Variants in RADIL observed in about 807,000 individuals in gnomAD.
RADIL encodes ras-associating and dilute domain-containing protein.
In RADIL, 99 loss-of-function variants were observed where a neutral mutation model predicts 97.6. The ratio of observed to expected loss-of-function variants is 1.01; its 90% confidence interval spans 0.86 to 1.20. The LOEUF (loss-of-function observed/expected upper bound fraction) is 1.20, where lower values mean the gene tolerates loss of function less well. RADIL is among the 50% of genes most tolerant of loss of function. The pLI is 0.00. For missense variants in RADIL, 1,765 were observed against 1,498.9 expected, an observed-to-expected ratio of 1.18 and a Z score of -2.93; for synonymous variants, 803 against 691.8, an observed-to-expected ratio of 1.16 and a Z score of -2.52.
At chr7:4,816,504 A>G (rs1419862422) in intron 7 of RADIL, 39 bp from the exon 8 acceptor site, 14 of 1,556,990 alleles carry the variant, frequency 9.0e-6, no homozygotes, top group Non-Finnish European at 1.2e-5. Context: ...CAGCATTTCC[A>G]GGAGCGCTGG....
chr7:4,808,538 A>C, intron 9 of RADIL: 1 of 971,382 alleles, frequency 1.0e-6, no homozygotes, highest in South Asian at 4.8e-5. Context: ...AGAAAAACAA[A>C]ACAAAGAAGG....
At position 4,813,136 on chromosome 7, in the gene RADIL, T is replaced by G. The variant is rs1348681838; in HGVS notation, c.2139+2142A>C. Among the ~76,000 whole-genome samples, 1 of 151,362 alleles carries G rather than the reference T, an allele frequency of 6.6e-6. No homozygotes were observed. Among genetic ancestry groups the G allele is most frequent in the Non-Finnish European group, 1.5e-5 (1 of 67,824 alleles). On this transcript the variant is annotated intron_variant, in intron 9 of 14. Transcript: ENST00000399583. The surrounding 1 kb of genome is among the most constrained non-coding windows in gnomAD (Gnocchi z 5.0). The stretch of plus-strand genomic sequence containing the variant: ...TTCTTTCTTTTCTTTCTTTCATAGT[T>G]GAGGTCTTCCTCTGTTGCCCAGGCT...
intron 2 of RADIL, among the ~76,000 whole-genome samples, chr7:4,877,235 G>C (rs1784394868): frequency 6.6e-6 from 1 of 152,210 alleles, no homozygotes; most frequent in African/African-American, 2.4e-5. Flanking sequence ...TTGAGGGCAG[G>C]AGGTCAAGAC....
rs747628632 is a variant in RADIL at position 4,854,005 on chromosome 7, C to T, written c.536-17400G>A. Among the ~76,000 whole-genome samples, 9 of 152,112 alleles carry T rather than the reference C, an allele frequency of 5.9e-5. No individual in the cohort carries two copies. The highest frequency in any genetic ancestry group is 1.2e-4 in the Non-Finnish European group (8 of 68,026). Reference sequence around the variant, plus strand: ...CAGTCAGTGAAAGATGAGGGGATGCCGCTGTTGGGACTTCTCCGAAAGCTC... The same window carrying T: ...CAGTCAGTGAAAGATGAGGGGATGCTGCTGTTGGGACTTCTCCGAAAGCTC... On this transcript the variant is annotated intron_variant, in intron 2 of 14. Transcript: ENST00000399583. This position sits in a 1 kb window ranked among gnomAD's most constrained non-coding sequence, Gnocchi z 5.1.
At position 4,801,852 on chromosome 7, in the gene RADIL, AG is replaced by A. The variant is rs767679528; in HGVS notation, c.2642del (p.Pro881LeufsTer110). ...AGCCCCCACGGCTGGGTTGCCTTCC[AG>A]GGGGGGCCTGTGCCCAGGGAGCCCC... is the stretch of plus-strand genomic sequence containing the variant. ...LRGAPWAQAP[P>X]GRQPSRGGSQ... is the part of the protein sequence containing the mutation. On this transcript the variant is annotated frameshift_variant, in exon 12 of 15. Coordinates refer to ENST00000399583, the MANE Select transcript of RADIL (RefSeq NM_018059.5). LOFTEE classifies it high-confidence loss of function. 1.1e-5 allele frequency: 17 copies of A among 1,596,872 alleles called. No individual in the cohort carries two copies. The highest frequency in any genetic ancestry group is 7.9e-5 in the South Asian group (7 of 88,916).
Position 4,803,717 on chromosome 7 carries a change from G to A in RADIL, c.2328C>T (p.Ile776=), listed in dbSNP as rs561405604. The change falls in exon 11 of 15, where the codon ATC becomes ATT. Residue 776 remains isoleucine (I), a synonymous_variant. Coordinates refer to ENST00000399583, the MANE Select transcript of RADIL (RefSeq NM_018059.5). Reference sequence around the variant, plus strand: ...CCTGGAAGCCGTCGCTGGGCAGGACGATGGGTGGGGGGTTTTCGTAGGACT... The same window carrying A: ...CCTGGAAGCCGTCGCTGGGCAGGACAATGGGTGGGGGGTTTTCGTAGGACT... ...VLESYENPPP[I]VLPSDGFQVD... 150 of 1,567,598 alleles carry A rather than the reference G, an allele frequency of 9.6e-5. 1 individual carries two copies. The South Asian group carries it at 9.7e-4, about 10-fold the overall frequency.
Position 4,835,204 on chromosome 7 carries a change from G to A in RADIL, c.819C>T (p.His273=). ...TGGAGGGGGTCCGCTGGCCCACCGT[G>A]TGCCGGTCCCGGTTGAGCACATACA... The part of the protein sequence containing the change: ...SLVYVLNRDR[H]TVGQRTPSSK... Residue 273 remains histidine, a synonymous_variant, in exon 4 of 15, where the codon CAC becomes CAT. Transcript: ENST00000399583. This position sits in a 1 kb window ranked among gnomAD's most constrained non-coding sequence, Gnocchi z 5.8. 6.2e-7 allele frequency: 1 copy of A among 1,611,846 alleles called. No individual in the cohort carries two copies. The highest frequency in any genetic ancestry group is 2.2e-5 in the East Asian group (1 of 44,866).
intron 10 of RADIL, among the ~76,000 whole-genome samples, chr7:4,805,094 C>CAA (rs201245558): frequency 6.6e-6 from 1 of 150,950 alleles, no homozygotes; most frequent in African/African-American, 2.5e-5. Context: ...ACTCTTGTCT[C>CAA]AAAAATAAAA....
Position 4,817,305 on chromosome 7 carries a change from C to G in RADIL, c.1662G>C (p.Glu554Asp). ...CCACCTCCTCCAGCACCGCCATGGC[C>G]TCCTCGCTGGCCGTCAGCGTGCAGG... is the stretch of plus-strand genomic sequence containing the variant. ...LFSCTLTASE[E>D]AMAVLEEVVL... Residue 554 changes from glutamate (E) to aspartate (D), a missense_variant, in exon 7 of 15, where the codon GAG becomes GAC. Physicochemically the swap from Glu to Asp is conservative, Grantham distance 45. Coordinates refer to ENST00000399583, the MANE Select transcript of RADIL (RefSeq NM_018059.5). This position sits in a 1 kb window ranked among gnomAD's most constrained non-coding sequence, Gnocchi z 8.3. 6.2e-7 allele frequency: 1 copy of G among 1,612,660 alleles called. No homozygotes were observed.
intron 2 of RADIL, chr7:4,861,963 G>A (rs967837670): frequency 9.4e-5 from 44 of 468,756 alleles, no homozygotes; most frequent in African/African-American, 8.5e-4. Flanking sequence ...GCCGCTTCAG[G>A]AGCTTCTCCT....
intron 2 of RADIL, among the ~76,000 whole-genome samples, chr7:4,869,025 G>C (rs1391419395): frequency 6.6e-6 from 1 of 152,210 alleles, no homozygotes; most frequent in Non-Finnish European, 1.5e-5. Context: ...TATTCAGGAG[G>C]CTGAGGCAGG....
chr7:4,833,933 C>T (rs942792060), intron 4 of RADIL, among the ~76,000 whole-genome samples: 6 of 152,126 alleles, frequency 3.9e-5, no homozygotes, highest in African/African-American at 1.4e-4. Context: ...GTGTGTGTGG[C>T]GGGGCGGCAG....
rs117880094 is a variant in RADIL, at chr7:4,821,072, G to A, written c.1615+1322C>T. ...ACACAGCTGAGTACACAGAGACCCC[G>A]CAGCGTCTGGTAGACTGAGCCTGTG... On this transcript the variant is annotated intron_variant, in intron 6 of 14. Coordinates refer to ENST00000399583, the MANE Select transcript of RADIL (RefSeq NM_018059.5). This position sits in a 1 kb window ranked among gnomAD's most constrained non-coding sequence, Gnocchi z 5.2. 2.0e-5 allele frequency among the ~76,000 whole-genome samples: 3 copies of A among 152,150 alleles called. No homozygotes were observed. The highest frequency in any genetic ancestry group is 2.9e-5 in the Non-Finnish European group (2 of 68,010).
At chr7:4,870,549 C>T (rs190602604) in intron 2 of RADIL, among the ~76,000 whole-genome samples, 1 of 152,162 alleles carries the variant, frequency 6.6e-6, no homozygotes, top group African/African-American at 2.4e-5. Flanking sequence ...TCAAGCAATT[C>T]TCCTGCCTCA....
At chr7:4,874,318 C>T (rs1417925533) in intron 2 of RADIL, among the ~76,000 whole-genome samples, 1 of 152,254 alleles carries the variant, frequency 6.6e-6, no homozygotes, top group Non-Finnish European at 1.5e-5. Flanking sequence ...TGTCCAGCTA[C>T]AGTAAGGTCT....
chr7:4,828,606 G>A (rs1783058881), intron 5 of RADIL, among the ~76,000 whole-genome samples: 1 of 152,144 alleles, frequency 6.6e-6, no homozygotes. Context: ...AGGCAAACAG[G>A]GCAAACAAAA....
Position 4,877,913 on chromosome 7 carries a change from G to A in RADIL, c.227C>T (p.Thr76Ile). The A allele has an allele frequency of 2.5e-6, 4 of 1,606,644 alleles. No homozygotes were observed. The highest frequency in any genetic ancestry group is 1.1e-5 in the South Asian group (1 of 91,090). The change falls in exon 2 of 15, where the codon ACC becomes ATC. Residue 76 changes from threonine (T) to isoleucine (I), a missense_variant. By Grantham distance (89) the Thr-to-Ile change is moderately conservative. Transcript: ENST00000399583. ...KVFGDSVCTG[T>I]HYKSVLATGT... ...GGTGGCCAGGACGCTCTTGTAGTGG[G>A]TTCCTGTGCAGACACTGTCCCCAAA... is the stretch of plus-strand genomic sequence containing the variant.
chr7:4,870,593 C>G (rs1393715583), intron 2 of RADIL, among the ~76,000 whole-genome samples: 1 of 152,156 alleles, frequency 6.6e-6, no homozygotes, highest in Non-Finnish European at 1.5e-5. Context: ...AGGTGCCCAC[C>G]ACCATGCCTG....
intron 2 of RADIL, among the ~76,000 whole-genome samples, chr7:4,852,161 T>TG (rs1216710946): frequency 2.0e-5 from 3 of 152,126 alleles, no homozygotes; most frequent in Non-Finnish European, 4.4e-5. Flanking sequence ...GCAGAAACAC[T>TG]GGCTGGCCTA....
Sources: gnomAD v4.1 joint callset for allele counts (sites outside exome capture counted in the v4.1 genomes callset) on GRCh38, gnomAD v4.1.1 for gene constraint, Gnocchi (gnomAD v3.1) non-coding constraint, MANE v1.5 for transcripts, NCBI Gene and HGNC (gene_info 2026-07-23, HGNC 2026-07-21) for gene names.